The following GRM8 variants were observed in gnomAD, a reference collection of about 807,000 sequenced individuals.
The protein encoded by GRM8 is metabotropic glutamate receptor 8.
GRM8 carries 47 observed loss-of-function variants against 87.2 expected under a neutral mutation model. The observed-to-expected ratio is 0.54, with a 90% CI of 0.43 to 0.69. The LOEUF (loss-of-function observed/expected upper bound fraction) is 0.69, where lower values mean the gene tolerates loss of function less well. GRM8 is among the 30% of genes least tolerant of loss of function. GRM8 has a pLI of 0.00. For missense variants in GRM8, 1,019 were observed against 1,139.2 expected (o/e 0.89, Z 1.52); for synonymous variants, 396 against 404.5 (o/e 0.98, Z 0.25).
chr7:126,671,319 C>T (rs1054590792), intron 7 of GRM8, among the ~76,000 whole-genome samples: 2 of 152,124 alleles, frequency 1.3e-5, no homozygotes, highest in Admixed American at 6.5e-5. Flanking sequence ...ATCTAAGATT[C>T]CTTGGGAAAC....
chr7:127,059,331 C>CTTTTTTTTTTTTTTT (rs10618329), intron 3 of GRM8, among the ~76,000 whole-genome samples: 3 of 130,594 alleles, frequency 2.3e-5, no homozygotes, highest in Non-Finnish European at 3.3e-5. Context: ...TTTTTTTTTG[C>CTTTTTTTTTTTTTTT]TTTTTTTTTT....
chr7:126,493,329 A>T (rs1301765944), intron 9 of GRM8, among the ~76,000 whole-genome samples: 1 of 152,048 alleles, frequency 6.6e-6, no homozygotes, highest in East Asian at 1.9e-4. Flanking sequence ...ACATGTGGTG[A>T]GAGAGGGCAG....
chr7:126,597,988 C>T lies in GRM8; in HGVS notation c.1494+11374G>A, dbSNP rs142807303. Among the ~76,000 whole-genome samples, 21 of 152,106 alleles carry T rather than the reference C, an allele frequency of 1.4e-4. No homozygotes were observed. The East Asian group carries it at 4.1e-3, about 29-fold the overall frequency. On this transcript the variant is annotated intron_variant, in intron 8 of 10. Coordinates refer to ENST00000339582, the MANE Select transcript of GRM8 (RefSeq NM_000845.3). ...TAAAGTATTGTTAACTATCATCATC[C>T]TATAGTGCTATTGAACACTAGAACT...
At chr7:127,019,036 G>A (rs2132196475) in intron 3 of GRM8, among the ~76,000 whole-genome samples, 1 of 152,070 alleles carries the variant, frequency 6.6e-6, no homozygotes, top group East Asian at 1.9e-4. Flanking sequence ...TAGTGGGATG[G>A]GAGGAGGAGT....
At chr7:126,764,444 T>C (rs1042028966) in intron 7 of GRM8, among the ~76,000 whole-genome samples, 2 of 152,116 alleles carry the variant, frequency 1.3e-5, no homozygotes, top group Non-Finnish European at 2.9e-5. Flanking sequence ...GATTGTAGTA[T>C]ATTTTCTAAT....
intron 9 of GRM8, among the ~76,000 whole-genome samples, chr7:126,490,147 T>C (rs1807832733): frequency 6.6e-6 from 1 of 152,104 alleles, no homozygotes; most frequent in African/African-American, 2.4e-5. Flanking sequence ...TCCTCTTACA[T>C]ATCTATATCT....
rs1457528499 is a variant in GRM8 at position 126,817,251 on chromosome 7, A to G, written c.1157-47186T>C. On this transcript the variant is annotated intron_variant, in intron 6 of 10. Coordinates refer to ENST00000339582, the MANE Select transcript of GRM8 (RefSeq NM_000845.3). The stretch of plus-strand genomic sequence containing the variant: ...TGGAATACAACTGAATTTTGTCTCC[A>G]TTAATACCTACCTTCACTACCTTTG... Among the ~76,000 whole-genome samples, 3 of 152,246 alleles carry G rather than the reference A, an allele frequency of 2.0e-5. No homozygotes were observed. In the East Asian group the frequency reaches 5.8e-4, roughly 29 times the overall value.
intron 3 of GRM8, among the ~76,000 whole-genome samples, chr7:126,907,660 C>G (rs545192728): frequency 6.6e-6 from 1 of 152,228 alleles, no homozygotes; most frequent in South Asian, 2.1e-4. Flanking sequence ...AACTTTCTCA[C>G]TAAATGTTTC....
At chr7:126,818,186 T>C (rs1793971092) in intron 6 of GRM8, among the ~76,000 whole-genome samples, 2 of 152,286 alleles carry the variant, frequency 1.3e-5, no homozygotes, top group African/African-American at 2.4e-5. Flanking sequence ...TAATAGAACA[T>C]ATATTAGTCA....
chr7:127,165,431 G>A (rs760480447), intron 2 of GRM8, among the ~76,000 whole-genome samples: 46 of 151,836 alleles, frequency 3.0e-4, no homozygotes, highest in Admixed American at 2.6e-4. Context: ...CAGTAGCCAT[G>A]ATAATCCAGA....
chr7:126,564,396 T>C (rs1794015353), intron 8 of GRM8, among the ~76,000 whole-genome samples: 1 of 152,154 alleles, frequency 6.6e-6, no homozygotes. Flanking sequence ...GTCAAAGATA[T>C]TTCCCCATTG....
chr7:126,600,432 G>A (rs1252023543), intron 8 of GRM8, among the ~76,000 whole-genome samples: 1 of 152,082 alleles, frequency 6.6e-6, no homozygotes, highest in Admixed American at 6.6e-5. Context: ...TATATGTGGG[G>A]TCCTGAAACC....
At chr7:126,944,635 CA>C (rs1807333604) in intron 3 of GRM8, among the ~76,000 whole-genome samples, 1 of 152,154 alleles carries the variant, frequency 6.6e-6, no homozygotes, top group South Asian at 2.1e-4. Context: ...ACAAATTAGC[CA>C]AAGTTTCTGT....
chr7:126,678,582 T>C (rs2299494), intron 7 of GRM8, among the ~76,000 whole-genome samples: 28,502 of 152,166 alleles, frequency 0.19, 2,775 homozygotes, highest in African/African-American at 0.21. Flanking sequence ...ACAGCAGCTC[T>C]CCTCTTTCTG....
chr7:127,182,402 T>A (rs1307771750), intron 2 of GRM8, among the ~76,000 whole-genome samples: 1 of 152,052 alleles, frequency 6.6e-6, no homozygotes, highest in Non-Finnish European at 1.5e-5. Context: ...AGTGGGAATA[T>A]AAATTAGTAT....
intron 3 of GRM8, among the ~76,000 whole-genome samples, chr7:126,944,026 G>A (rs925793764): frequency 1.3e-5 from 2 of 152,026 alleles, no homozygotes; most frequent in Non-Finnish European, 2.9e-5. Context: ...CCTCCTTCTT[G>A]TGCTAAATCT....
In GRM8 at chr7:127,252,239, G is replaced by A. The variant is rs1020768901; in HGVS notation, c.-312+558C>T. On this transcript the variant is annotated intron_variant, in intron 1 of 10. Transcript: ENST00000339582. The surrounding 1 kb of genome is among the most constrained non-coding windows in gnomAD (Gnocchi z 4.9). The stretch of plus-strand genomic sequence containing the variant: ...TTAAAATCCTGCCGCCGCACGCCCA[G>A]TCAGAGCGCCGAGCGCGCCTGCCCC... 6 of 152,282 alleles carry A rather than the reference G, an allele frequency of 3.9e-5. No homozygotes were observed. The highest frequency in any genetic ancestry group is 1.4e-4 in the African/African-American group (6 of 41,458). 9.4% of individuals were successfully genotyped at this position (152,282 alleles called of 1,614,324 possible).
intron 9 of GRM8, among the ~76,000 whole-genome samples, chr7:126,496,095 T>C (rs1361157316): frequency 6.6e-6 from 1 of 151,982 alleles, no homozygotes; most frequent in Non-Finnish European, 1.5e-5. Context: ...ACTCTGACTC[T>C]CTGAGCTCTG....
At chr7:126,826,870 A>G (rs113313307) in intron 6 of GRM8, among the ~76,000 whole-genome samples, 2 of 151,588 alleles carry the variant, frequency 1.3e-5, no homozygotes, top group South Asian at 2.1e-4. Flanking sequence ...TAATTTTTGT[A>G]TTAATTGAAT....
Sources: allele counts gnomAD v4.1 joint callset (sites outside exome capture counted in the v4.1 genomes callset), GRCh38; gene constraint gnomAD v4.1.1; non-coding constraint Gnocchi (gnomAD v3.1); transcripts MANE v1.5; gene names NCBI Gene and HGNC (gene_info 2026-07-23, HGNC 2026-07-21).